The following CNTLN variants were observed in gnomAD, a reference collection of about 807,000 sequenced individuals.
CNTLN encodes centlein, centrosomal protein.
CNTLN carries 212 observed loss-of-function variants against 180.0 expected under a neutral mutation model. The observed-to-expected ratio is 1.18, with a 90% CI of 1.05 to 1.32. The LOEUF (loss-of-function observed/expected upper bound fraction) is 1.32, where lower values mean the gene tolerates loss of function less well. Among genes scored for constraint, CNTLN ranks in the 40% most tolerant of loss-of-function variants. The pLI, the probability that CNTLN is intolerant of heterozygous loss-of-function variation, is 0.00. For synonymous variants in CNTLN, 722 were observed against 563.1 expected (o/e 1.28, Z -3.99); for missense variants, 2,095 against 1,610.9 (o/e 1.30, Z -5.14).
In CNTLN at chr9:17,484,474, T is replaced by C. The variant is rs1832802213; in HGVS notation, c.4035T>C (p.Asp1345=). The C allele has an allele frequency of 6.3e-7, 1 of 1,593,410 alleles. No individual in the cohort carries two copies. Among genetic ancestry groups the C allele is most frequent in the Middle Eastern group, 1.7e-4 (1 of 6,040 alleles). Residue 1345 remains aspartate (D), a synonymous_variant, in exon 24 of 26, where the codon GAT becomes GAC. Coordinates refer to ENST00000380647, the MANE Select transcript of CNTLN (RefSeq NM_017738.4). The part of the protein sequence containing the change: ...SDLEEILDTE[D]QVEIEKTKID... ...TAGAGGAAATATTAGACACAGAAGA[T>C]CAAGTGGTAAGATCATTTAAATATT...
At chr9:17,314,148 G>C (rs2132969279) in intron 8 of CNTLN, among the ~76,000 whole-genome samples, 1 of 152,264 alleles carries the variant, frequency 6.6e-6, no homozygotes, top group East Asian at 1.9e-4. Context: ...TTGCTCTTAA[G>C]TCTTTTATGT....
intron 12 of CNTLN, among the ~76,000 whole-genome samples, chr9:17,362,113 A>C (rs963802750): frequency 9.9e-5 from 15 of 152,200 alleles, no homozygotes; most frequent in Non-Finnish European, 1.8e-4. Flanking sequence ...TGTTCTTTCC[A>C]AAAGAAACAA....
the CNTLN span, among the ~76,000 whole-genome samples, chr9:17,516,395 T>A: frequency 1.3e-5 from 2 of 152,212 alleles, no homozygotes; most frequent in Non-Finnish European, 2.9e-5. Context: ...GAGAAAAGCA[T>A]AACAAATTTA....
chr9:17,309,426 A>G (rs1162180693), intron 8 of CNTLN, among the ~76,000 whole-genome samples, 174 bp downstream of exon 8: 1 of 152,120 alleles, frequency 6.6e-6, no homozygotes, highest in African/African-American at 2.4e-5. Flanking sequence ...AATATTACAT[A>G]CAATACAAAT....
At chr9:17,301,258 C>T (rs1296052728) in intron 7 of CNTLN, 9 of 985,222 alleles carry the variant, frequency 9.1e-6, no homozygotes, top group Middle Eastern at 5.2e-4. Flanking sequence ...GCGAACTTGC[C>T]GTAACCTAAA....
intron 8 of CNTLN, among the ~76,000 whole-genome samples, chr9:17,310,747 C>T (rs991498828): frequency 7.2e-5 from 11 of 152,242 alleles, no homozygotes; most frequent in African/African-American, 2.6e-4. Context: ...TGTCAGACTT[C>T]TTAATTCATT....
chr9:17,178,672 C>T (rs1267713600), intron 2 of CNTLN, among the ~76,000 whole-genome samples: 1 of 113,678 alleles, frequency 8.8e-6, no homozygotes. Context: ...TGGCCGGCCG[C>T]TCCAAGTGCG....
intron 18 of CNTLN, among the ~76,000 whole-genome samples, chr9:17,449,694 C>T (rs1294758712): frequency 1.3e-5 from 2 of 152,124 alleles, no homozygotes; most frequent in Admixed American, 1.3e-4. Context: ...CCATTATTTT[C>T]CCCATACTTG....
intron 2 of CNTLN, among the ~76,000 whole-genome samples, chr9:17,188,764 T>A (rs1379940261): frequency 6.6e-6 from 1 of 152,124 alleles, no homozygotes; most frequent in Non-Finnish European, 1.5e-5. Flanking sequence ...TATATTCACT[T>A]TCTCTCCATT....
chr9:17,306,146 A>ATTTTTTT (rs572150057), intron 7 of CNTLN, among the ~76,000 whole-genome samples: 17 of 128,004 alleles, frequency 1.3e-4, no homozygotes, highest in Non-Finnish European at 2.7e-4. Context: ...TTAGTCGTCT[A>ATTTTTTT]TTTTTTTTTT....
At chr9:17,482,430 C>G (rs1832698379) in intron 23 of CNTLN, among the ~76,000 whole-genome samples, 1 of 152,052 alleles carries the variant, frequency 6.6e-6, no homozygotes, top group African/African-American at 2.4e-5. Context: ...TTAAAACAAT[C>G]CTTTGAAACA....
intron 3 of CNTLN, among the ~76,000 whole-genome samples, chr9:17,230,971 T>C (rs1824778196): frequency 6.6e-6 from 1 of 152,114 alleles, no homozygotes; most frequent in Admixed American, 6.6e-5. Context: ...GGAAGTTTTT[T>C]CTCCTGGGCA....
At chr9:17,332,390 A>G (rs1180902733) in intron 9 of CNTLN, among the ~76,000 whole-genome samples, 1 of 152,108 alleles carries the variant, frequency 6.6e-6, no homozygotes, top group Non-Finnish European at 1.5e-5. Flanking sequence ...AACAATGTAA[A>G]TGTAAATGAA....
At chr9:17,516,203 A>G in the CNTLN span, among the ~76,000 whole-genome samples, 1 of 152,036 alleles carries the variant, frequency 6.6e-6, no homozygotes, top group Non-Finnish European at 1.5e-5. Context: ...TTCACATTGC[A>G]CTCTCTACCA....
intron 2 of CNTLN, among the ~76,000 whole-genome samples, chr9:17,178,208 T>G (rs1276290941): frequency 6.6e-6 from 1 of 152,104 alleles, no homozygotes; most frequent in Non-Finnish European, 1.5e-5. Context: ...TCACAAGCAC[T>G]GAGCTAGACA....
intron 18 of CNTLN, chr9:17,448,332 C>T (rs1249070406): frequency 1.3e-5 from 2 of 152,286 alleles, no homozygotes; most frequent in East Asian, 1.9e-4. Context: ...GCCTTAAAAA[C>T]ATCTCCAGTT....
At chr9:17,219,688 T>C (rs116802049) in intron 2 of CNTLN, among the ~76,000 whole-genome samples, 2,041 of 152,222 alleles carry the variant, frequency 0.013, 50 homozygotes, top group African/African-American at 0.047. Context: ...TCTCACACTT[T>C]AGTGTGCATC....
At chr9:17,144,493 T>C (rs1818312625) in intron 2 of CNTLN, among the ~76,000 whole-genome samples, 1 of 152,286 alleles carries the variant, frequency 6.6e-6, no homozygotes. Flanking sequence ...TATTCTCCTC[T>C]CCTTTTATTT....
chr9:17,438,724 A>G (rs910633537), intron 18 of CNTLN, among the ~76,000 whole-genome samples: 1 of 152,192 alleles, frequency 6.6e-6, no homozygotes, highest in Non-Finnish European at 1.5e-5. Flanking sequence ...AATTTAGGGG[A>G]TAAGCCTGGG....
Sources: allele counts gnomAD v4.1 joint callset (sites outside exome capture counted in the v4.1 genomes callset), GRCh38; gene constraint gnomAD v4.1.1; transcripts MANE v1.5; gene names NCBI Gene and HGNC (gene_info 2026-07-23, HGNC 2026-07-21).